The following TTC21B variants were observed in gnomAD, a reference collection of about 807,000 sequenced individuals.
The protein encoded by TTC21B is tetratricopeptide repeat protein 21B.
Under a neutral mutation model 175.1 loss-of-function variants are expected in TTC21B, and 127 were observed. That is an observed-to-expected ratio of 0.73 (90% CI 0.63 to 0.84). The LOEUF (loss-of-function observed/expected upper bound fraction) is 0.84. TTC21B is among the 40% of genes least tolerant of loss of function. The probability of loss-of-function intolerance (pLI) is 0.00; values close to 1 mark genes in which losing one functional copy is unlikely to be tolerated. For synonymous variants in TTC21B, 524 were observed against 524.5 expected (o/e 1.00, Z 0.01); for missense variants, 1,561 against 1,558.3 (o/e 1.00, Z -0.03).
chr2:165,878,423 T>G (rs7564041), intron 27 of TTC21B, among the ~76,000 whole-genome samples: 66,985 of 151,906 alleles, frequency 0.44, 15,303 homozygotes, highest in Admixed American at 0.59. Context: ...GTATGAAGGG[T>G]GAAACATGAG....
intron 19 of TTC21B, among the ~76,000 whole-genome samples, 169 bp from the exon 20 acceptor site, chr2:165,902,079 T>G (rs1184472456): frequency 1.3e-5 from 2 of 152,244 alleles, no homozygotes; most frequent in Non-Finnish European, 2.9e-5. Flanking sequence ...TGCACTTATT[T>G]GCAAATGAGC....
intron 16 of TTC21B, 137 bp downstream of exon 16, chr2:165,913,437 G>T: frequency 3.2e-6 from 2 of 631,758 alleles, no homozygotes; most frequent in Non-Finnish European, 2.8e-6. Flanking sequence ...CCTTTAAAAT[G>T]GATATCTCCC....
chr2:165,911,190 T>G, intron 18 of TTC21B, 137 bp downstream of exon 18: 2 of 1,063,838 alleles, frequency 1.9e-6, no homozygotes, highest in East Asian at 5.2e-5. Flanking sequence ...GGCATTCTGA[T>G]AAAAGAAAAA....
At chr2:165,913,525 T>C (rs1396387637) in intron 16 of TTC21B, 49 bp downstream of exon 16, 1 of 1,259,524 alleles carries the variant, frequency 7.9e-7, no homozygotes, top group East Asian at 2.3e-5. Flanking sequence ...GTTGTACTCA[T>C]CACAAATAAT....
rs75634093 is a variant in TTC21B, at chr2:165,920,622, A to G, written c.1517-1189T>C. On this transcript the variant is annotated intron_variant, in intron 12 of 28. Transcript: ENST00000243344. ...AAGAAACAGGTTGTACTAACAGGAGAAAGTGCATAGAGAATTAGGGTTTGC... is the reference window on the plus strand; with the variant it reads ...AAGAAACAGGTTGTACTAACAGGAGGAAGTGCATAGAGAATTAGGGTTTGC... Among the ~76,000 whole-genome samples, 947 of 152,302 alleles carry G rather than the reference A, an allele frequency of 6.2e-3. 9 individuals carry two copies. Among genetic ancestry groups the G allele is most frequent in the African/African-American group, 0.022 (910 of 41,576 alleles).
Position 165,931,841 on chromosome 2 carries a change from C to G in TTC21B, c.811G>C (p.Glu271Gln). The G allele has an allele frequency of 1.2e-6, 2 of 1,613,064 alleles. No individual in the cohort carries two copies. Among genetic ancestry groups the G allele is most frequent in the Non-Finnish European group, 1.7e-6 (2 of 1,179,222 alleles). The change falls in exon 8 of 29, where the codon GAA (glutamate) becomes CAA (glutamine). Residue 271 changes from glutamate (E) to glutamine (Q), a missense_variant. By Grantham distance (29) the Glu-to-Gln change is conservative. Coordinates refer to ENST00000243344, the MANE Select transcript of TTC21B (RefSeq NM_024753.5). ...GCATCCAATGTATTTCCCAAGTTTT[C>G]CAGCTTGGTGGAAGCCTAAAACAAA... The part of the protein sequence containing the change: ...GDIEKASTKL[E>Q]NLGNTLDAME...
Position 165,883,893 on chromosome 2 carries a change from C to T in TTC21B, c.3585G>A (p.Glu1195=). 1 of 1,614,132 alleles carries T rather than the reference C, an allele frequency of 6.2e-7. No individual in the cohort carries two copies. The change falls in exon 26 of 29, where the codon GAG becomes GAA. Residue 1195 remains glutamate (E), a synonymous_variant. Coordinates refer to ENST00000243344, the MANE Select transcript of TTC21B (RefSeq NM_024753.5). ...KMNWNAIDAE[E]FEKSWLLLAD... ...CAAGTAGCAGCCAACTCTTCTCAAA[C>T]TCTTCAGCATCAATAGCATTCCAAT...
intron 10 of TTC21B, 64 bp downstream of exon 10, chr2:165,929,586 G>T: frequency 8.4e-7 from 1 of 1,193,206 alleles, no homozygotes; most frequent in South Asian, 1.3e-5. Context: ...CAATAAGACT[G>T]ATTAATAATT....
chr2:165,908,791 G>T (rs1489249721), intron 18 of TTC21B, among the ~76,000 whole-genome samples: 2 of 151,998 alleles, frequency 1.3e-5, no homozygotes, highest in African/African-American at 4.8e-5. Context: ...TAAAACATAT[G>T]ATACTTGAAT....
At chr2:165,893,083 T>C (rs1000800599) in intron 22 of TTC21B, among the ~76,000 whole-genome samples, 1 of 152,136 alleles carries the variant, frequency 6.6e-6, no homozygotes, top group Admixed American at 6.6e-5. Context: ...AAAAAGACAA[T>C]TCAAATATTG....
In TTC21B at chr2:165,941,186, T is replaced by C. The variant is rs773580610; in HGVS notation, c.553-2A>G. The C allele has an allele frequency of 1.1e-5, 18 of 1,613,706 alleles. No individual in the cohort carries two copies. The highest frequency in any genetic ancestry group is 1.5e-5 in the Non-Finnish European group (18 of 1,179,790). On this transcript the variant is annotated splice_acceptor_variant, in intron 5 of 28. Coordinates refer to ENST00000243344, the MANE Select transcript of TTC21B (RefSeq NM_024753.5). LOFTEE classifies it high-confidence loss of function. Reference sequence around the variant, plus strand: ...CTGGCGCATCTCAAGGCATTGTGCCTAATGGAAGGGAAAAAAAGTGATATC... The same window carrying C: ...CTGGCGCATCTCAAGGCATTGTGCCCAATGGAAGGGAAAAAAAGTGATATC...
chr2:165,897,811 G>A (rs558404114), intron 22 of TTC21B, among the ~76,000 whole-genome samples: 308 of 152,242 alleles, frequency 2.0e-3, no homozygotes, highest in Non-Finnish European at 3.5e-3. Context: ...CAGGCAATGG[G>A]GCAAAAGAAG....
intron 6 of TTC21B, among the ~76,000 whole-genome samples, chr2:165,936,597 A>C (rs1362165300): frequency 6.6e-6 from 1 of 152,078 alleles, no homozygotes; most frequent in African/African-American, 2.4e-5. Flanking sequence ...ACCCAACAAT[A>C]AGAAAACAAT....
At chr2:165,927,081 TATATCCTA>T (rs2105339275) in intron 11 of TTC21B, among the ~76,000 whole-genome samples, 1 of 57,122 alleles carries the variant, frequency 1.8e-5, no homozygotes, top group African/African-American at 6.4e-5. Context: ...TATATATATA[TATATCCTA>T]GTAGATATAT....
In TTC21B at chr2:165,874,337, C is replaced by A. The variant is rs922977014; in HGVS notation, c.*418G>T. 6.4e-6 allele frequency: 1 copy of A among 156,376 alleles called. No homozygotes were observed. Among genetic ancestry groups the A allele is most frequent in the Non-Finnish European group, 1.4e-5 (1 of 70,870 alleles). The allele number at this position is 156,376 out of a possible 1,614,324, so 9.7% of individuals were successfully genotyped here. On this transcript the variant is annotated 3_prime_UTR_variant, in exon 29 of 29. Transcript: ENST00000243344. ...CTCCAGCCTGGGCGGCAGATCAAGG[C>A]TCTGTCTTTAAAAATAAATAAATAA...
intron 28 of TTC21B, among the ~76,000 whole-genome samples, chr2:165,875,365 A>G (rs144290549): frequency 4.6e-5 from 7 of 152,106 alleles, no homozygotes; most frequent in Non-Finnish European, 1.0e-4. Flanking sequence ...ACAGAGACTC[A>G]GTAATCAACA....
rs56346146 is a variant in TTC21B, at chr2:165,900,064, G to GAA, written c.2758-186_2758-185dup. ...CCCATCTCTATTTTCTCTTACACTA[G>GAA]AAAAAAAAAAAACAGAGAAACAGGT... On this transcript the variant is annotated intron_variant, in intron 20 of 28. Coordinates refer to ENST00000243344, the MANE Select transcript of TTC21B (RefSeq NM_024753.5). Among the ~76,000 whole-genome samples, 304 of 128,324 alleles carry GAA rather than the reference G, an allele frequency of 2.4e-3. 1 individual carries two copies. Among genetic ancestry groups the GAA allele is most frequent in the South Asian group, 0.016 (65 of 4,114 alleles). 84.2% of individuals were successfully genotyped at this position (128,324 alleles called of 152,430 possible).
At chr2:165,931,964 C>A in intron 7 of TTC21B, 108 bp from the exon 8 acceptor site, 1 of 753,588 alleles carries the variant, frequency 1.3e-6, no homozygotes, top group Non-Finnish European at 2.3e-6. Flanking sequence ...TTTAAAAGAC[C>A]TTTGCTTTTA....
Position 165,874,453 on chromosome 2 carries a change from A to T in TTC21B, c.*302T>A, listed in dbSNP as rs1238680159. 2 of 233,450 alleles carry T rather than the reference A, an allele frequency of 8.6e-6. No homozygotes were observed. Among genetic ancestry groups the T allele is most frequent in the Non-Finnish European group, 1.7e-5 (2 of 118,058 alleles). 14.5% of individuals were successfully genotyped at this position (233,450 alleles called of 1,614,324 possible). A position where few individuals can be genotyped will look rare whatever the true frequency, so the allele number is the denominator to read the frequency against. On this transcript the variant is annotated 3_prime_UTR_variant, in exon 29 of 29. Coordinates refer to ENST00000243344, the MANE Select transcript of TTC21B (RefSeq NM_024753.5). ...ATATTCCTTAGAAAAGATACAGGGT[A>T]TTTAATTACCTAGATTTTAACAAAA...
Sources: gnomAD v4.1 joint callset for allele counts (sites outside exome capture counted in the v4.1 genomes callset) on GRCh38, gnomAD v4.1.1 for gene constraint, MANE v1.5 for transcripts, NCBI Gene and HGNC (gene_info 2026-07-23, HGNC 2026-07-21) for gene names.